Variants in ZNF407 observed in about 807,000 individuals in gnomAD.
ZNF407 encodes the protein zinc finger protein 407.
ZNF407 carries 17 observed loss-of-function variants against 131.2 expected under a neutral mutation model. The observed-to-expected ratio is 0.13, with a 90% confidence interval of 0.09 to 0.19. ZNF407 has a LOEUF of 0.19. Ranked by LOEUF, ZNF407 falls within the 10% of genes least tolerant of loss-of-function variation. The pLI is 1.00. For missense variants in ZNF407, 2,681 were observed against 2,830.6 expected, an observed-to-expected ratio of 0.95 and a Z score of 1.20; for synonymous variants, 1,156 against 1,062.0, an observed-to-expected ratio of 1.09 and a Z score of -1.72.
chr18:74,695,200 A>G (rs1388420621), intron 3 of ZNF407, among the ~76,000 whole-genome samples: 1 of 152,180 alleles, frequency 6.6e-6, no homozygotes, highest in Non-Finnish European at 1.5e-5. Flanking sequence ...GATAAGCGAT[A>G]TGGAAGATTT....
chr18:75,004,968 T>C (rs949502885), intron 8 of ZNF407, among the ~76,000 whole-genome samples: 2 of 152,184 alleles, frequency 1.3e-5, no homozygotes, highest in Admixed American at 6.5e-5. Flanking sequence ...ACATTATTGA[T>C]AGCAGCAGAG....
intron 3 of ZNF407, among the ~76,000 whole-genome samples, chr18:74,737,726 T>C (rs1968451647): frequency 6.6e-6 from 1 of 152,254 alleles, no homozygotes; most frequent in African/African-American, 2.4e-5. Flanking sequence ...TTTAGTTGTA[T>C]ATTTTTAAAG....
At chr18:75,034,625 T>G (rs954746321) in intron 8 of ZNF407, among the ~76,000 whole-genome samples, 4 of 151,830 alleles carry the variant, frequency 2.6e-5, no homozygotes, top group African/African-American at 9.7e-5. Flanking sequence ...TAAATCAGGC[T>G]TCATTGGTAG....
rs191697198 is a variant in ZNF407, at chr18:74,673,483, G to A, written c.4802+32361G>A. On this transcript the variant is annotated intron_variant, in intron 3 of 8. Coordinates refer to ENST00000299687, the MANE Select transcript of ZNF407 (RefSeq NM_017757.3). ...CCTTGTGATTACATTGTGTCTGCTAGGATAATCTGGGGCCGCAGAAGAGCA... is the reference window on the plus strand; with the variant it reads ...CCTTGTGATTACATTGTGTCTGCTAAGATAATCTGGGGCCGCAGAAGAGCA... Among the ~76,000 whole-genome samples the A allele has an allele frequency of 3.0e-4, 45 of 152,298 alleles. No homozygotes were observed. The East Asian group carries it at 8.1e-3, about 27-fold the overall frequency.
At chr18:74,759,493 T>C (rs1002078518) in intron 3 of ZNF407, among the ~76,000 whole-genome samples, 3 of 152,122 alleles carry the variant, frequency 2.0e-5, no homozygotes, top group Admixed American at 1.3e-4. Context: ...TAATTTCTTA[T>C]TGTTTCCTGG....
rs1973671410 is a variant in ZNF407, at chr18:75,063,752, C to G, written c.6031C>G (p.Gln2011Glu). ...GGAGGGCAGGGCTGGGCTCGAGGAGCAAGGCAGGCCCGGCGCCAAAGACGT... is the reference window on the plus strand; with the variant it reads ...GGAGGGCAGGGCTGGGCTCGAGGAGGAAGGCAGGCCCGGCGCCAAAGACGT... ...EVEGRAGLEE[Q>E]GRPGAKDVLI... is the part of the protein sequence containing the mutation. Residue 2011 changes from glutamine to glutamate, a missense_variant, in exon 9 of 9, where the codon CAA (glutamine) becomes GAA (glutamate). Coordinates refer to ENST00000299687, the MANE Select transcript of ZNF407 (RefSeq NM_017757.3). The surrounding 1 kb of genome is among the most constrained non-coding windows in gnomAD (Gnocchi z 6.6). The G allele has an allele frequency of 6.2e-7, 1 of 1,611,674 alleles. No homozygotes were observed. Among genetic ancestry groups the G allele is most frequent in the African/African-American group, 1.3e-5 (1 of 74,904 alleles).
intron 3 of ZNF407, among the ~76,000 whole-genome samples, chr18:74,653,610 C>T (rs1342727888): frequency 1.3e-5 from 2 of 151,562 alleles, no homozygotes; most frequent in African/African-American, 4.8e-5. Context: ...TAACATGTAT[C>T]GATATGCTTA....
intron 4 of ZNF407, among the ~76,000 whole-genome samples, chr18:74,782,966 A>G (rs1299433245): frequency 6.6e-6 from 1 of 152,194 alleles, no homozygotes; most frequent in Admixed American, 6.5e-5. Context: ...CATGCATTGA[A>G]TGTGTCAGGG....
intron 3 of ZNF407, among the ~76,000 whole-genome samples, chr18:74,666,077 C>T (rs927537046): frequency 6.6e-6 from 1 of 152,158 alleles, no homozygotes; most frequent in Non-Finnish European, 1.5e-5. Context: ...GAGCAGGATC[C>T]GAAGGTGCAT....
At chr18:74,664,559 T>C (rs1181177680) in intron 3 of ZNF407, among the ~76,000 whole-genome samples, 2 of 152,308 alleles carry the variant, frequency 1.3e-5, no homozygotes, top group African/African-American at 4.8e-5. Context: ...ACACATGAAG[T>C]ATTTTAGTCA....
chr18:74,614,674 C>G (rs542645975), intron 1 of ZNF407, among the ~76,000 whole-genome samples: 2 of 152,248 alleles, frequency 1.3e-5, no homozygotes, highest in South Asian at 4.1e-4. Flanking sequence ...TAATCAGAAT[C>G]TTTGACGAGT....
chr18:74,849,269 G>A (rs974134640), intron 4 of ZNF407, among the ~76,000 whole-genome samples: 4 of 151,824 alleles, frequency 2.6e-5, no homozygotes, highest in Non-Finnish European at 4.4e-5. Flanking sequence ...TAGTAGATAC[G>A]GGGTTTCGCT....
At chr18:74,765,365 C>G (rs1969205897) in intron 3 of ZNF407, among the ~76,000 whole-genome samples, 1 of 152,014 alleles carries the variant, frequency 6.6e-6, no homozygotes, top group Non-Finnish European at 1.5e-5. Context: ...GTTAATTTTA[C>G]TTTGTTGTTT....
At chr18:74,695,101 GA>G (rs1262305941) in intron 3 of ZNF407, among the ~76,000 whole-genome samples, 1 of 152,180 alleles carries the variant, frequency 6.6e-6, no homozygotes, top group Non-Finnish European at 1.5e-5. Context: ...AGAAGTTACA[GA>G]AGTTGACATC....
At chr18:74,963,442 T>C (rs1430389728) in intron 8 of ZNF407, among the ~76,000 whole-genome samples, 1 of 152,208 alleles carries the variant, frequency 6.6e-6, no homozygotes, top group African/African-American at 2.4e-5. Context: ...ATGTTAGTAA[T>C]CCTTACGCCC....
chr18:75,044,431 A>G (rs1167240541), intron 8 of ZNF407, among the ~76,000 whole-genome samples: 1 of 151,828 alleles, frequency 6.6e-6, no homozygotes, highest in Non-Finnish European at 1.5e-5. Flanking sequence ...AGCTTAGACT[A>G]CAAGAAGCCA....
At chr18:74,706,863 A>G (rs1211843192) in intron 3 of ZNF407, among the ~76,000 whole-genome samples, 1 of 150,938 alleles carries the variant, frequency 6.6e-6, no homozygotes, top group Non-Finnish European at 1.5e-5. Context: ...AGCTCTTCCC[A>G]TGTCCTGTTT....
intron 3 of ZNF407, among the ~76,000 whole-genome samples, chr18:74,691,017 G>T (rs761323466): frequency 2.6e-5 from 4 of 152,196 alleles, no homozygotes; most frequent in African/African-American, 9.6e-5. Flanking sequence ...AGTGGCTCAC[G>T]CCTGTAATCC....
intron 8 of ZNF407, among the ~76,000 whole-genome samples, chr18:75,039,946 T>C (rs1259991800): frequency 6.6e-6 from 1 of 152,136 alleles, no homozygotes; most frequent in African/African-American, 2.4e-5. Flanking sequence ...TTGTATGCAG[T>C]TGAATTTGGC....
Sources: allele counts gnomAD v4.1 joint callset (sites outside exome capture counted in the v4.1 genomes callset), GRCh38; gene constraint gnomAD v4.1.1; non-coding constraint Gnocchi (gnomAD v3.1); transcripts MANE v1.5; gene names NCBI Gene and HGNC (gene_info 2026-07-23, HGNC 2026-07-21).